The following GRID2 variants were observed in gnomAD, a reference collection of about 807,000 sequenced individuals.
The protein encoded by GRID2 is glutamate receptor ionotropic, delta-2.
In GRID2, 33 loss-of-function variants were observed where a neutral mutation model predicts 114.8. The ratio of observed to expected loss-of-function variants is 0.29; its 90% CI spans 0.22 to 0.38. The LOEUF is 0.38. Ranked by LOEUF, GRID2 falls within the 10% of genes least tolerant of loss-of-function variation. GRID2 has a pLI of 1.00. For synonymous variants in GRID2, 505 were observed against 449.9 expected, an observed-to-expected ratio of 1.12 and a Z score of -1.55; for missense variants, 1,184 against 1,257.7, an observed-to-expected ratio of 0.94 and a Z score of 0.89.
chr4:93,457,382 G>C (rs1301316185), intron 11 of GRID2, among the ~76,000 whole-genome samples: 1 of 152,030 alleles, frequency 6.6e-6, no homozygotes, highest in Non-Finnish European at 1.5e-5. Context: ...GAGAAATTAA[G>C]ATAGTCCAAG....
intron 8 of GRID2, among the ~76,000 whole-genome samples, chr4:93,302,937 T>C (rs1351274318): frequency 6.6e-6 from 1 of 152,196 alleles, no homozygotes; most frequent in East Asian, 1.9e-4. Flanking sequence ...AACAACTACC[T>C]GAGACTGGGT....
chr4:93,620,203 A>G (rs1234838000), intron 13 of GRID2, among the ~76,000 whole-genome samples: 1 of 152,186 alleles, frequency 6.6e-6, no homozygotes, highest in Non-Finnish European at 1.5e-5. Flanking sequence ...AAATAAATGG[A>G]GGACAGAGGG....
intron 2 of GRID2, among the ~76,000 whole-genome samples, chr4:93,044,877 T>G (rs1725981108): frequency 6.6e-6 from 1 of 152,164 alleles, no homozygotes; most frequent in African/African-American, 2.4e-5. Flanking sequence ...AGATTCACAT[T>G]GGAAGCTTTC....
At chr4:93,676,325 C>T (rs1379571430) in intron 14 of GRID2, among the ~76,000 whole-genome samples, 1 of 152,102 alleles carries the variant, frequency 6.6e-6, no homozygotes, top group East Asian at 1.9e-4. Flanking sequence ...TTATTAGCTT[C>T]AAGAACCAAA....
chr4:92,338,577 C>A (rs552568586), intron 1 of GRID2, among the ~76,000 whole-genome samples: 1 of 152,076 alleles, frequency 6.6e-6, no homozygotes, highest in African/African-American at 2.4e-5. Context: ...TAGTATCTCT[C>A]AGTTTTATGT....
chr4:93,339,848 T>A (rs1416876565), intron 8 of GRID2, among the ~76,000 whole-genome samples: 1 of 150,044 alleles, frequency 6.7e-6, no homozygotes, highest in East Asian at 1.9e-4. Flanking sequence ...CTTCACAAGG[T>A]GGCAGGAAGA....
chr4:93,299,175 G>A (rs552023282), intron 8 of GRID2, among the ~76,000 whole-genome samples: 7 of 152,254 alleles, frequency 4.6e-5, no homozygotes, highest in South Asian at 2.1e-4. Context: ...TCAATCAGTC[G>A]TGGGCTATTC....
intron 8 of GRID2, among the ~76,000 whole-genome samples, chr4:93,311,099 G>T (rs1468255900): frequency 2.6e-5 from 4 of 152,120 alleles, no homozygotes; most frequent in Non-Finnish European, 5.9e-5. Context: ...ATTGCCAAGG[G>T]ATGGAACTGA....
rs1178942270 is a variant in GRID2 at position 92,940,122 on chromosome 4, T to C, written c.245-144873T>C. ...GTGAAGAAAGTCATTGGTAGCTTAA[T>C]GGGGATGGCATTGAAACTATAAATT... is the stretch of plus-strand genomic sequence containing the variant. On this transcript the variant is annotated intron_variant, in intron 2 of 15. Coordinates refer to ENST00000282020, the MANE Select transcript of GRID2 (RefSeq NM_001510.4). Among the ~76,000 whole-genome samples, 13 of 147,212 alleles carry C rather than the reference T, an allele frequency of 8.8e-5. 2 individuals carry two copies. The highest frequency in any genetic ancestry group is 2.0e-4 in the Non-Finnish European group (13 of 66,508).
At position 92,877,453 on chromosome 4, in the gene GRID2, G is replaced by A. The variant is rs548569723; in HGVS notation, c.245-207542G>A. Among the ~76,000 whole-genome samples the A allele has an allele frequency of 1.7e-3, 263 of 152,312 alleles. 1 individual carries two copies. The highest frequency in any genetic ancestry group is 6.2e-3 in the African/African-American group (257 of 41,570). On this transcript the variant is annotated intron_variant, in intron 2 of 15. Coordinates refer to ENST00000282020, the MANE Select transcript of GRID2 (RefSeq NM_001510.4). ...GTAACTTTGTAACTGTGCTGAGTCCGTGAAGGAGGTACACTAGTTGAGTAA... is the reference window on the plus strand; with the variant it reads ...GTAACTTTGTAACTGTGCTGAGTCCATGAAGGAGGTACACTAGTTGAGTAA...
intron 2 of GRID2, among the ~76,000 whole-genome samples, chr4:92,615,695 T>A (rs2149233353): frequency 6.6e-6 from 1 of 151,754 alleles, no homozygotes; most frequent in African/African-American, 2.4e-5. Context: ...CTGGCTATTC[T>A]TTTTTACTGT....
intron 1 of GRID2, among the ~76,000 whole-genome samples, chr4:92,401,631 T>C (rs1730794528): frequency 6.6e-6 from 1 of 152,182 alleles, no homozygotes; most frequent in Non-Finnish European, 1.5e-5. Flanking sequence ...GTATATTAAG[T>C]ATGCAATAGC....
At chr4:93,538,836 A>G (rs753838053) in intron 13 of GRID2, among the ~76,000 whole-genome samples, 16 of 151,812 alleles carry the variant, frequency 1.1e-4, no homozygotes, top group Non-Finnish European at 2.4e-4. Context: ...ACAAGACATA[A>G]CAACTAAATG....
intron 2 of GRID2, among the ~76,000 whole-genome samples, chr4:92,990,921 TGTA>T (rs1754862816): frequency 6.6e-6 from 1 of 152,162 alleles, no homozygotes; most frequent in Non-Finnish European, 1.5e-5. Context: ...GCACACATAT[TGTA>T]GTATTGTTAC....
At chr4:93,334,845 C>T (rs959531172) in intron 8 of GRID2, among the ~76,000 whole-genome samples, 4 of 151,972 alleles carry the variant, frequency 2.6e-5, no homozygotes, top group African/African-American at 9.7e-5. Flanking sequence ...GCAGGAGAAT[C>T]GCTTGAACCC....
chr4:92,307,852 CAT>C (rs1238867822), intron 1 of GRID2, among the ~76,000 whole-genome samples: 2 of 152,128 alleles, frequency 1.3e-5, no homozygotes, highest in East Asian at 3.9e-4. Context: ...GGTCTTTTGA[CAT>C]ATAAAAACTA....
At chr4:92,512,733 G>A (rs569966238) in intron 1 of GRID2, among the ~76,000 whole-genome samples, 8 of 151,762 alleles carry the variant, frequency 5.3e-5, no homozygotes, top group Non-Finnish European at 8.8e-5. Context: ...AGATATTTTA[G>A]CTTATATCTC....
intron 9 of GRID2, among the ~76,000 whole-genome samples, chr4:93,404,604 A>G (rs952463901): frequency 3.3e-5 from 5 of 152,144 alleles, no homozygotes; most frequent in African/African-American, 1.2e-4. Context: ...GCAAAGAACA[A>G]AGACCTTCTA....
At position 92,482,313 on chromosome 4, in the gene GRID2, G is replaced by A. The variant is rs796315131; in HGVS notation, c.89-107818G>A. ...GGGAACAATGGGAGCAATAGACACT[G>A]TGGACTACTTAGAGGGCAGAGGGAG... is the stretch of plus-strand genomic sequence containing the variant. On this transcript the variant is annotated intron_variant, in intron 1 of 15. Coordinates refer to ENST00000282020, the MANE Select transcript of GRID2 (RefSeq NM_001510.4). Among the ~76,000 whole-genome samples, 5 of 151,774 alleles carry A rather than the reference G, an allele frequency of 3.3e-5. 1 individual carries two copies. The South Asian group carries it at 6.2e-4, about 19-fold the overall frequency.
Sources: gnomAD v4.1 joint callset for allele counts (sites outside exome capture counted in the v4.1 genomes callset) on GRCh38, gnomAD v4.1.1 for gene constraint, MANE v1.5 for transcripts, NCBI Gene and HGNC (gene_info 2026-07-23, HGNC 2026-07-21) for gene names.